RHOBTB2: variants seen among roughly 807,000 people sequenced by gnomAD.
The protein encoded by RHOBTB2 is rho-related BTB domain-containing protein 2.
Under a neutral mutation model 66.5 loss-of-function variants are expected in RHOBTB2, and 39 were observed. That is an observed-to-expected ratio of 0.59 (90% CI 0.45 to 0.77). RHOBTB2 has a LOEUF of 0.77. Among genes scored for constraint, RHOBTB2 ranks in the 30% least tolerant of loss-of-function variants. The pLI, the probability that RHOBTB2 is intolerant of heterozygous loss-of-function variation, is 0.00. For missense variants in RHOBTB2, 755 were observed against 999.1 expected (o/e 0.76, Z 3.29); for synonymous variants, 390 against 395.0 (o/e 0.99, Z 0.15).
the RHOBTB2 span, among the ~76,000 whole-genome samples, chr8:22,981,932 T>C: frequency 6.6e-6 from 1 of 152,120 alleles, no homozygotes; most frequent in Non-Finnish European, 1.5e-5. Flanking sequence ...CAGGTGCAAC[T>C]GGCCACTTTG....
intron 8 of RHOBTB2, 132 bp from the exon 9 acceptor site, chr8:23,015,506 C>G: frequency 1.6e-6 from 1 of 621,746 alleles, no homozygotes; most frequent in African/African-American, 1.9e-5. Context: ...GCCTCTGGCG[C>G]AGGCTCTCTA....
At chr8:22,994,682 G>A (rs910001888), upstream of RHOBTB2, 1 of 1,478,832 alleles carries the variant, frequency 6.8e-7, no homozygotes, top group Admixed American at 2.0e-5. Flanking sequence ...CCCAAACATT[G>A]ATTCATCCAT....
At position 23,017,384 on chromosome 8, in the gene RHOBTB2, G is replaced by C. The variant is rs371773374; in HGVS notation, c.2099G>C (p.Arg700Pro). 6.2e-7 allele frequency: 1 copy of C among 1,614,030 alleles called. No homozygotes were observed. The highest frequency in any genetic ancestry group is 1.3e-5 in the African/African-American group (1 of 74,914). ...CACCTCAAGCGGCAGCCCAAACGGCGTTGGCTCTTCTGGAACAGTCCATCC... is the reference window on the plus strand; with the variant it reads ...CACCTCAAGCGGCAGCCCAAACGGCCTTGGCTCTTCTGGAACAGTCCATCC... Reference protein sequence around the residue: ...YLHLKRQPKRRWLFWNSPSSP... With the variant: ...YLHLKRQPKRPWLFWNSPSSP... The change falls in exon 10 of 10, where the codon CGT becomes CCT. Residue 700 changes from arginine (R) to proline (P), a missense_variant. This residue lies in a region of RHOBTB2 where 353 missense variants were observed against 458.2 expected (regional missense o/e 0.77). Coordinates refer to ENST00000251822, the MANE Select transcript of RHOBTB2 (RefSeq NM_015178.3). The surrounding 1 kb of genome is among the most constrained non-coding windows in gnomAD (Gnocchi z 5.3).
the RHOBTB2 span, among the ~76,000 whole-genome samples, chr8:22,979,438 A>AT: frequency 6.6e-6 from 1 of 151,802 alleles, no homozygotes; most frequent in Admixed American, 6.6e-5. Flanking sequence ...TTGTGTATGA[A>AT]TTTTTTTTGG....
the RHOBTB2 span, among the ~76,000 whole-genome samples, chr8:22,970,440 C>T: frequency 6.6e-6 from 1 of 152,048 alleles, no homozygotes; most frequent in Non-Finnish European, 1.5e-5. Flanking sequence ...ATAGCATACA[C>T]CATTAAAAAT....
At chr8:22,984,323 C>T (rs60195917), upstream of RHOBTB2, among the ~76,000 whole-genome samples, 75 of 152,206 alleles carry the variant, frequency 4.9e-4, 2 homozygotes, top group African/African-American at 1.7e-3. Flanking sequence ...TTGGAGAGGT[C>T]GGAGGTAGAA....
chr8:23,007,145 G>C lies in RHOBTB2; in HGVS notation c.900G>C (p.Leu300=). 1 of 1,607,420 alleles carries C rather than the reference G, an allele frequency of 6.2e-7. No homozygotes were observed. Among genetic ancestry groups the C allele is most frequent in the Non-Finnish European group, 8.5e-7 (1 of 1,179,614 alleles). ...TCTATGACCTGTTCCTCATGGACCTGAGTGAGGGGGAGCTGGGGGGCCCCT... is the reference window on the plus strand; with the variant it reads ...TCTATGACCTGTTCCTCATGGACCTCAGTGAGGGGGAGCTGGGGGGCCCCT... ...SKFYDLFLMD[L]SEGELGGPSE... The change falls in exon 5 of 10, where the codon CTG becomes CTC. Residue 300 remains leucine, a synonymous_variant. Transcript: ENST00000251822.
Position 23,018,884 on chromosome 8 carries a change from G to A in RHOBTB2, c.*1415G>A, listed in dbSNP as rs1244869263. ...GAAGGAGAAGAGGGAGAATGGAGCA[G>A]GAGGAAAAGCAGAGTTGGTCTAGAG... On this transcript the variant is annotated 3_prime_UTR_variant, in exon 10 of 10. Transcript: ENST00000251822. The A allele has an allele frequency of 6.5e-6, 1 of 153,144 alleles. No individual in the cohort carries two copies. Among genetic ancestry groups the A allele is most frequent in the Non-Finnish European group, 1.5e-5 (1 of 68,462 alleles). 9.5% of individuals were successfully genotyped at this position (153,144 alleles called of 1,614,324 possible). A position where few individuals can be genotyped will look rare whatever the true frequency, so the allele number is the denominator to read the frequency against.
chr8:23,016,089 T>A (rs1811284404), intron 9 of RHOBTB2, among the ~76,000 whole-genome samples: 1 of 152,238 alleles, frequency 6.6e-6, no homozygotes, highest in South Asian at 2.1e-4. Context: ...CTAATGCTGC[T>A]CATGGCCCAC....
At chr8:22,952,787 C>T in the RHOBTB2 span, among the ~76,000 whole-genome samples, 529 of 152,268 alleles carry the variant, frequency 3.5e-3, 5 homozygotes, top group African/African-American at 0.012. Flanking sequence ...TGCCTGCAAT[C>T]CCAGCTACAT....
At chr8:23,005,724 G>C (rs909645000) in intron 3 of RHOBTB2, among the ~76,000 whole-genome samples, 1 of 152,194 alleles carries the variant, frequency 6.6e-6, no homozygotes, top group African/African-American at 2.4e-5. Flanking sequence ...CAGCTGTGAA[G>C]TGGTGAAAAC....
chr8:22,999,556 T>C lies in RHOBTB2; in HGVS notation c.-560T>C, dbSNP rs1810693692. On this transcript the variant is annotated 5_prime_UTR_variant, in exon 1 of 10. Transcript: ENST00000251822. Reference sequence around the variant, plus strand: ...TGCGCGCGGCAGTGGGCGGGGCCCGTCACGGCTGTCGTCTTGGGTGCGATT... The same window carrying C: ...TGCGCGCGGCAGTGGGCGGGGCCCGCCACGGCTGTCGTCTTGGGTGCGATT... 8.4e-7 allele frequency: 1 copy of C among 1,191,704 alleles called. No individual in the cohort carries two copies. Among genetic ancestry groups the C allele is most frequent in the Admixed American group, 3.5e-5 (1 of 28,810 alleles). The allele number at this position is 1,191,704 out of a possible 1,614,324, so 73.8% of individuals were successfully genotyped here.
chr8:22,995,862 G>A, upstream of RHOBTB2: 1 of 1,551,712 alleles, frequency 6.4e-7, no homozygotes, highest in Non-Finnish European at 8.7e-7. Context: ...TGTTCCAGGA[G>A]AGGGGTGCCA....
At chr8:23,011,047 T>C (rs1811131600) in intron 7 of RHOBTB2, among the ~76,000 whole-genome samples, 1 of 152,182 alleles carries the variant, frequency 6.6e-6, no homozygotes, top group South Asian at 2.1e-4. Context: ...CTAGCCAACA[T>C]GGTCTTACCC....
chr8:22,990,373 C>T (rs1238229091), intron 1 of RHOBTB2, among the ~76,000 whole-genome samples: 1 of 152,176 alleles, frequency 6.6e-6, no homozygotes, highest in Non-Finnish European at 1.5e-5. Context: ...CCCCACCTTG[C>T]AGGCCTGCAG....
chr8:23,008,666 G>A lies in RHOBTB2; in HGVS notation c.1620+555G>A, dbSNP rs551946971. Among the ~76,000 whole-genome samples the A allele has an allele frequency of 2.0e-5, 3 of 152,334 alleles. No homozygotes were observed. The East Asian group carries it at 5.8e-4, about 29-fold the overall frequency. On this transcript the variant is annotated intron_variant, in intron 6 of 9. Coordinates refer to ENST00000251822, the MANE Select transcript of RHOBTB2 (RefSeq NM_015178.3). ...AAAGGGGGCATGCCACAGCACCATG[G>A]CTGGGGTCACATGGGGAAGCTCTGG...
At chr8:22,954,570 T>C in the RHOBTB2 span, among the ~76,000 whole-genome samples, 1 of 152,208 alleles carries the variant, frequency 6.6e-6, no homozygotes, top group African/African-American at 2.4e-5. Flanking sequence ...AAGGACACAC[T>C]ATCCAACAAA....
In RHOBTB2 at chr8:23,004,630, A is replaced by C. The variant is rs770684591; in HGVS notation, c.192+4A>C. The stretch of plus-strand genomic sequence containing the variant: ...CCAATATCGTGTGTGCCAGGAGGTA[A>C]GGCTGCAGGACTACCTGGCTGGGGG... On this transcript the variant is annotated splice_donor_region_variant and intron_variant, in intron 2 of 9. Transcript: ENST00000251822. This position sits in a 1 kb window ranked among gnomAD's most constrained non-coding sequence, Gnocchi z 6.4. 58 of 1,610,594 alleles carry C rather than the reference A, an allele frequency of 3.6e-5. No individual in the cohort carries two copies. In the Middle Eastern group the frequency reaches 4.9e-4, roughly 14 times the overall value.
the RHOBTB2 span, among the ~76,000 whole-genome samples, chr8:22,973,915 C>T: frequency 6.6e-6 from 1 of 152,182 alleles, no homozygotes; most frequent in African/African-American, 2.4e-5. Flanking sequence ...CCTCACCACC[C>T]CTCCCACGCC....
Sources: allele counts gnomAD v4.1 joint callset (sites outside exome capture counted in the v4.1 genomes callset), GRCh38; gene constraint gnomAD v4.1.1; regional missense constraint gnomAD v4.1.1; non-coding constraint Gnocchi (gnomAD v3.1); transcripts MANE v1.5; gene names NCBI Gene and HGNC (gene_info 2026-07-23, HGNC 2026-07-21).